CD84: variants seen among roughly 807,000 people sequenced by gnomAD.
The protein encoded by CD84 is SLAM family member 5.
In CD84, 22 loss-of-function variants were observed where a neutral mutation model predicts 33.8. The ratio of observed to expected loss-of-function variants is 0.65; its 90% CI spans 0.46 to 0.93. The LOEUF is 0.93. CD84 is among the 40% of genes least tolerant of loss of function. The probability of loss-of-function intolerance (pLI) is 0.00; values close to 1 mark genes in which losing one functional copy is unlikely to be tolerated. For missense variants in CD84, 400 were observed against 397.6 expected (o/e 1.01, Z -0.05); for synonymous variants, 154 against 145.2 (o/e 1.06, Z -0.44).
At chr1:160,566,024 G>T (rs181077387) in intron 1 of CD84, among the ~76,000 whole-genome samples, 118 of 152,292 alleles carry the variant, frequency 7.7e-4, no homozygotes, top group Middle Eastern at 3.4e-3. Context: ...CTGAAAGCTA[G>T]AAGGCATTTG....
chr1:160,549,541 T>C (rs141533521), intron 6 of CD84, among the ~76,000 whole-genome samples: 1 of 152,198 alleles, frequency 6.6e-6, no homozygotes, highest in Non-Finnish European at 1.5e-5. Flanking sequence ...ATTGCACCCA[T>C]CTGGGCATCT....
In CD84 at chr1:160,543,729, A is replaced by G. The variant is rs780309873; in HGVS notation, c.*4527T>C. On this transcript the variant is annotated 3_prime_UTR_variant, in exon 7 of 7. Coordinates refer to ENST00000368054, the MANE Select transcript of CD84 (RefSeq NM_003874.4). ...ATAACGAGGGGAACAAACATTGCTT[A>G]TAACAAAATATATCTGAATAAGGAG... The G allele has an allele frequency of 6.6e-6, 1 of 152,024 alleles. No homozygotes were observed. Among genetic ancestry groups the G allele is most frequent in the Non-Finnish European group, 1.5e-5 (1 of 68,008 alleles). The allele number at this position is 152,024 out of a possible 1,614,324, so 9.4% of individuals were successfully genotyped here.
At chr1:160,576,635 G>A (rs1658007350) in intron 1 of CD84, among the ~76,000 whole-genome samples, 1 of 152,124 alleles carries the variant, frequency 6.6e-6, no homozygotes, top group Non-Finnish European at 1.5e-5. Flanking sequence ...ATCAATGTGG[G>A]TGGAGGCAGC....
In CD84 at chr1:160,553,923, G is replaced by C. The variant is rs755528311; in HGVS notation, c.612C>G (p.Asp204Glu). 1 of 1,614,222 alleles carries C rather than the reference G, an allele frequency of 6.2e-7. No homozygotes were observed. ...TAQNPVSNNS[D>E]SISARQLCAD... Reference sequence around the variant, plus strand: ...CACAGAGCTGCCGGGCAGAGATGGAGTCAGAATTGTTGCTGACAGGGTTCT... The same window carrying C: ...CACAGAGCTGCCGGGCAGAGATGGACTCAGAATTGTTGCTGACAGGGTTCT... Residue 204 changes from aspartate to glutamate, a missense_variant, in exon 3 of 7, where the codon GAC (aspartate) becomes GAG (glutamate). By Grantham distance (45) the Asp-to-Glu change is conservative. Transcript: ENST00000368054.
At chr1:160,559,385 T>G (rs1367303864) in intron 2 of CD84, among the ~76,000 whole-genome samples, 1 of 152,026 alleles carries the variant, frequency 6.6e-6, no homozygotes, top group African/African-American at 2.4e-5. Context: ...CAAACTAAGC[T>G]TCATAAGTGA....
chr1:160,565,422 A>G lies in CD84; in HGVS notation c.370T>C (p.Tyr124His), dbSNP rs1366964952. 1.2e-6 allele frequency: 2 copies of G among 1,603,022 alleles called. No individual in the cohort carries two copies. Among genetic ancestry groups the G allele is most frequent in the Non-Finnish European group, 1.7e-6 (2 of 1,174,074 alleles). ...QADPYTTTKR[Y>H]NLQIYRRLGK... ...GACTTACGATAGATTTGCAGGTTGT[A>G]GCGCTTGGTGGTGGTGTAGGGATCA... Residue 124 changes from tyrosine (Y) to histidine (H), a missense_variant, in exon 2 of 7, where the codon TAC (tyrosine) becomes CAC (histidine). Transcript: ENST00000368054.
In CD84 at chr1:160,553,017, AATG is replaced by A. The variant is rs1656340426; in HGVS notation, c.760+358_760+360del. 4 of 566,966 alleles carry A rather than the reference AATG, an allele frequency of 7.1e-6. No homozygotes were observed. The African/African-American group carries it at 7.5e-5, about 11-fold the overall frequency. The allele number at this position is 566,966 out of a possible 1,614,324, so 35.1% of individuals were successfully genotyped here. A position where few individuals can be genotyped will look rare whatever the true frequency, so the allele number is the denominator to read the frequency against. ...TCTCCAATAGTCATAATCAAAATAC[AATG>A]AAATTGGAAGTGACCCTGGAGATCC... On this transcript the variant is annotated intron_variant, in intron 4 of 6. Coordinates refer to ENST00000368054, the MANE Select transcript of CD84 (RefSeq NM_003874.4).
chr1:160,578,489 C>G (rs2102219504), intron 1 of CD84, among the ~76,000 whole-genome samples: 1 of 152,274 alleles, frequency 6.6e-6, no homozygotes, highest in South Asian at 2.1e-4. Flanking sequence ...TTGATTCTAC[C>G]TTTACAGAAA....
rs1375555372 is a variant in CD84, at chr1:160,548,094, C to T, written c.*162G>A. 7.3e-6 allele frequency: 5 copies of T among 688,870 alleles called. No individual in the cohort carries two copies. The highest frequency in any genetic ancestry group is 1.3e-5 in the Non-Finnish European group (5 of 396,622). The allele number at this position is 688,870 out of a possible 1,614,324, so 42.7% of individuals were successfully genotyped here. On this transcript the variant is annotated 3_prime_UTR_variant, in exon 7 of 7. Coordinates refer to ENST00000368054, the MANE Select transcript of CD84 (RefSeq NM_003874.4). Reference sequence around the variant, plus strand: ...ATGCATCCATTTGTCCATTTAGGCACAAGCTATGCCCAGCAGAAGGTTTCC... The same window carrying T: ...ATGCATCCATTTGTCCATTTAGGCATAAGCTATGCCCAGCAGAAGGTTTCC...
Position 160,550,555 on chromosome 1 carries a change from T to C in CD84, c.858+383A>G, listed in dbSNP as rs76527877. On this transcript the variant is annotated intron_variant, in intron 5 of 6. Transcript: ENST00000368054. ...GAACTTGTCTGTCAGTTCTGTTGCC[T>C]CGTAGCCCCCTTAGCAACCTGTTCA... The C allele has an allele frequency of 3.6e-5, 33 of 917,132 alleles. No homozygotes were observed. The East Asian group carries it at 3.8e-3, about 105-fold the overall frequency. The allele number at this position is 917,132 out of a possible 1,614,324, so 56.8% of individuals were successfully genotyped here.
chr1:160,577,764 A>T (rs1658063597), intron 1 of CD84, among the ~76,000 whole-genome samples: 1 of 152,188 alleles, frequency 6.6e-6, no homozygotes, highest in African/African-American at 2.4e-5. Context: ...TACATGCATT[A>T]TCATCATTTT....
At chr1:160,562,067 G>A (rs1557977721) in intron 2 of CD84, among the ~76,000 whole-genome samples, 2 of 152,162 alleles carry the variant, frequency 1.3e-5, no homozygotes, top group African/African-American at 4.8e-5. Context: ...ACTGCTCAAA[G>A]AAATCAGAGA....
chr1:160,551,283 A>C (rs188611031), intron 4 of CD84: 2 of 429,924 alleles, frequency 4.7e-6, no homozygotes, highest in South Asian at 2.6e-5. Flanking sequence ...AATTTCCCCA[A>C]CCCCTCCCTG....
chr1:160,554,172 T>C (rs1438755643), intron 2 of CD84, 26 bp from the exon 3 acceptor site: 3 of 1,588,124 alleles, frequency 1.9e-6, no homozygotes, highest in South Asian at 2.3e-5. Flanking sequence ...CATGAGCCAA[T>C]AGTGAGCTGG....
intron 1 of CD84, among the ~76,000 whole-genome samples, chr1:160,574,463 T>C (rs564071656): frequency 6.6e-6 from 1 of 152,274 alleles, no homozygotes; most frequent in African/African-American, 2.4e-5. Flanking sequence ...ACCATGAATG[T>C]CACTTACTTG....
chr1:160,552,729 A>G, intron 4 of CD84: 1 of 1,548,294 alleles, frequency 6.5e-7, no homozygotes, highest in Non-Finnish European at 8.7e-7. Flanking sequence ...AAGGTGTTCA[A>G]GCAGGAACCT....
chr1:160,569,500 C>T (rs1453813642), intron 1 of CD84, among the ~76,000 whole-genome samples: 3 of 147,940 alleles, frequency 2.0e-5, no homozygotes, highest in African/African-American at 7.7e-5. Flanking sequence ...ATTTGATACC[C>T]GGTTAGGGAA....
chr1:160,568,567 C>T (rs897272117), intron 1 of CD84, among the ~76,000 whole-genome samples: 2 of 152,116 alleles, frequency 1.3e-5, no homozygotes, highest in African/African-American at 2.4e-5. Context: ...GGTGCAAGTA[C>T]TTCTACTTAT....
At chr1:160,576,084 A>G (rs992353268) in intron 1 of CD84, among the ~76,000 whole-genome samples, 3 of 152,152 alleles carry the variant, frequency 2.0e-5, no homozygotes, top group African/African-American at 7.2e-5. Flanking sequence ...ATCTCATTCT[A>G]ATACAGAGGC....
Sources: gnomAD v4.1 joint callset for allele counts (sites outside exome capture counted in the v4.1 genomes callset) on GRCh38, gnomAD v4.1.1 for gene constraint, MANE v1.5 for transcripts, NCBI Gene and HGNC (gene_info 2026-07-23, HGNC 2026-07-21) for gene names.